PTPRD: variants seen among roughly 807,000 people sequenced by gnomAD.
PTPRD encodes the protein receptor-type tyrosine-protein phosphatase delta.
Under a neutral mutation model 214.5 loss-of-function variants are expected in PTPRD, and 34 were observed. The ratio of observed to expected loss-of-function variants is 0.16; its 90% CI spans 0.12 to 0.21. The LOEUF (loss-of-function observed/expected upper bound fraction) is 0.21. PTPRD is among the 10% of genes least tolerant of loss of function. The pLI is 1.00. For missense variants in PTPRD, 2,545 were observed against 2,398.7 expected, an observed-to-expected ratio of 1.06 and a Z score of -1.27; for synonymous variants, 1,128 against 845.7, an observed-to-expected ratio of 1.33 and a Z score of -5.79.
At chr9:8,883,721 G>T (rs1468998557) in intron 11 of PTPRD, among the ~76,000 whole-genome samples, 1 of 152,042 alleles carries the variant, frequency 6.6e-6, no homozygotes, top group Non-Finnish European at 1.5e-5. Flanking sequence ...TTTTATACAG[G>T]TCTTGTATTT....
At chr9:10,437,176 A>G (rs2098724606) in intron 2 of PTPRD, among the ~76,000 whole-genome samples, 1 of 151,840 alleles carries the variant, frequency 6.6e-6, no homozygotes, top group Non-Finnish European at 1.5e-5. Flanking sequence ...TCATGAGACT[A>G]TATGAAATTT....
At chr9:9,818,540 G>A (rs749439683) in intron 5 of PTPRD, among the ~76,000 whole-genome samples, 1 of 152,112 alleles carries the variant, frequency 6.6e-6, no homozygotes, top group Non-Finnish European at 1.5e-5. Flanking sequence ...GACAGAGAGA[G>A]ATAGAAAGAG....
intron 8 of PTPRD, among the ~76,000 whole-genome samples, chr9:9,444,405 T>C (rs573565606): frequency 6.6e-6 from 1 of 152,188 alleles, no homozygotes; most frequent in Non-Finnish European, 1.5e-5. Flanking sequence ...TCCTATGTGA[T>C]CCCATCTTTA....
At chr9:10,256,894 T>C (rs1266994312) in intron 3 of PTPRD, among the ~76,000 whole-genome samples, 10 of 152,204 alleles carry the variant, frequency 6.6e-5, no homozygotes, top group Admixed American at 6.5e-4. Context: ...CTCCTGTTGG[T>C]TCTTCACATC....
chr9:9,453,200 G>A (rs894908714), intron 8 of PTPRD, among the ~76,000 whole-genome samples: 2 of 151,384 alleles, frequency 1.3e-5, no homozygotes, highest in Non-Finnish European at 3.0e-5. Flanking sequence ...GGACATATTT[G>A]TTAGTATGGG....
intron 5 of PTPRD, among the ~76,000 whole-genome samples, chr9:9,893,256 G>C (rs1208728703): frequency 6.6e-6 from 1 of 151,152 alleles, no homozygotes; most frequent in African/African-American, 2.4e-5. Flanking sequence ...ATGAGGACAA[G>C]ATCAAATCTA....
chr9:10,499,216 G>C (rs113258618), intron 2 of PTPRD, among the ~76,000 whole-genome samples: 2,392 of 151,954 alleles, frequency 0.016, 31 homozygotes, highest in Middle Eastern at 0.092. Context: ...TACCAAGCTT[G>C]AGGTTTTTAA....
intron 10 of PTPRD, among the ~76,000 whole-genome samples, chr9:9,140,919 C>T (rs977248665): frequency 3.3e-5 from 5 of 152,088 alleles, no homozygotes; most frequent in Non-Finnish European, 7.4e-5. Context: ...TCTTTTTCTT[C>T]CTGGGAATGA....
At chr9:8,607,446 C>T (rs1053261667) in intron 14 of PTPRD, among the ~76,000 whole-genome samples, 2 of 152,116 alleles carry the variant, frequency 1.3e-5, no homozygotes, top group Admixed American at 1.3e-4. Context: ...AGTTTGAGAT[C>T]AGTCTGGTCA....
At chr9:10,027,416 A>G (rs2096946501) in intron 4 of PTPRD, among the ~76,000 whole-genome samples, 1 of 152,192 alleles carries the variant, frequency 6.6e-6, no homozygotes, top group Non-Finnish European at 1.5e-5. Context: ...ATGGCCCACT[A>G]TCATGGAGAG....
chr9:9,498,801 G>A (rs2096291787), intron 8 of PTPRD, among the ~76,000 whole-genome samples: 1 of 152,066 alleles, frequency 6.6e-6, no homozygotes, highest in African/African-American at 2.4e-5. Flanking sequence ...GAAATGATCT[G>A]TGATAAATAC....
intron 12 of PTPRD, among the ~76,000 whole-genome samples, chr9:8,699,105 A>G (rs2098008495): frequency 1.3e-5 from 2 of 152,224 alleles, no homozygotes; most frequent in African/African-American, 4.8e-5. Flanking sequence ...GAATTCCTGA[A>G]TAATGAAAAA....
intron 5 of PTPRD, among the ~76,000 whole-genome samples, chr9:9,886,898 C>T (rs1425849628): frequency 6.6e-6 from 1 of 152,082 alleles, no homozygotes; most frequent in Non-Finnish European, 1.5e-5. Context: ...AGGTCTGTCC[C>T]AGATGGAGCA....
At chr9:8,765,179 T>C (rs1307748251) in intron 11 of PTPRD, among the ~76,000 whole-genome samples, 2 of 152,212 alleles carry the variant, frequency 1.3e-5, no homozygotes, top group African/African-American at 4.8e-5. Flanking sequence ...TTTAAAGATA[T>C]GTACACAAAT....
At chr9:9,333,858 A>G (rs982720969) in intron 9 of PTPRD, among the ~76,000 whole-genome samples, 1 of 151,998 alleles carries the variant, frequency 6.6e-6, no homozygotes, top group African/African-American at 2.4e-5. Context: ...ATTTGCCAAT[A>G]GTATATATTA....
At chr9:9,619,057 T>C (rs2095074698) in intron 7 of PTPRD, among the ~76,000 whole-genome samples, 1 of 152,130 alleles carries the variant, frequency 6.6e-6, no homozygotes, top group South Asian at 2.1e-4. Context: ...ATATGTGCTT[T>C]TGCTTTAGCA....
intron 5 of PTPRD, among the ~76,000 whole-genome samples, chr9:9,881,227 T>C (rs2068580258): frequency 1.3e-5 from 2 of 152,086 alleles, no homozygotes; most frequent in African/African-American, 4.8e-5. Context: ...AAAATAAGAG[T>C]AAACAGCTAC....
chr9:9,221,311 C>G (rs947659451), intron 9 of PTPRD, among the ~76,000 whole-genome samples: 28 of 152,196 alleles, frequency 1.8e-4, no homozygotes, highest in African/African-American at 6.3e-4. Flanking sequence ...AAACTTGCTT[C>G]TGGTTACACT....
At chr9:9,423,130 T>C (rs1431217139) in intron 8 of PTPRD, among the ~76,000 whole-genome samples, 1 of 152,156 alleles carries the variant, frequency 6.6e-6, no homozygotes, top group Non-Finnish European at 1.5e-5. Flanking sequence ...TGCTAGAAGA[T>C]AGAGTGAATC....
Sources: gnomAD v4.1 joint callset for allele counts (sites outside exome capture counted in the v4.1 genomes callset) on GRCh38, gnomAD v4.1.1 for gene constraint, MANE v1.5 for transcripts, NCBI Gene and HGNC (gene_info 2026-07-23, HGNC 2026-07-21) for gene names.